TAF7L: variants seen among roughly 807,000 people sequenced by gnomAD.
TAF7L encodes transcription initiation factor TFIID subunit 7-like.
TAF7L carries 6 observed loss-of-function variants against 30.2 expected under a neutral mutation model. The observed-to-expected ratio is 0.20, with a 90% CI of 0.11 to 0.39. The LOEUF is 0.39. Ranked by LOEUF, TAF7L falls within the 10% of genes least tolerant of loss-of-function variation. The pLI, the probability that TAF7L is intolerant of heterozygous loss-of-function variation, is 1.00. For missense variants in TAF7L, 284 were observed against 277.1 expected, an observed-to-expected ratio of 1.03 and a Z score of -0.18; for synonymous variants, 93 against 94.5, an observed-to-expected ratio of 0.98 and a Z score of 0.09.
intron 12 of TAF7L, among the ~76,000 whole-genome samples, chrX:101,274,374 C>T (rs1400808791): frequency 3.6e-5 from 4 of 110,096 alleles, no homozygotes; most frequent in Non-Finnish European, 7.6e-5. Context: ...GCCACCACAA[C>T]CGGCTAATTT....
At chrX:101,288,727 C>A (rs2147385795) in intron 1 of TAF7L, among the ~76,000 whole-genome samples, 1 of 109,561 alleles carries the variant, frequency 9.1e-6, no homozygotes, top group East Asian at 2.8e-4. Flanking sequence ...TATATATATA[C>A]CTTTGGTGAA....
At chrX:101,286,241 A>T (rs1924595982) in intron 3 of TAF7L, among the ~76,000 whole-genome samples, 1 of 111,446 alleles carries the variant, frequency 9.0e-6, no homozygotes, top group African/African-American at 3.3e-5. Flanking sequence ...CACCTTTATA[A>T]ACAAAGAATG....
intron 8 of TAF7L, 82 bp from the exon 9 acceptor site, chrX:101,277,801 G>C: frequency 1.4e-6 from 1 of 726,758 alleles, no homozygotes; most frequent in South Asian, 2.4e-5. Context: ...TTGGCTAACA[G>C]TGCTATTTAA....
At chrX:101,279,396 C>A (rs767753363) in intron 6 of TAF7L, among the ~76,000 whole-genome samples, 50 of 111,296 alleles carry the variant, frequency 4.5e-4, no homozygotes, top group African/African-American at 1.6e-3. Flanking sequence ...CCAAGGCGGG[C>A]GGATCACGTG....
chrX:101,278,899 T>C (rs1924307808), intron 7 of TAF7L, 95 bp downstream of exon 7: 1 of 809,162 alleles, frequency 1.2e-6, no homozygotes, highest in African/African-American at 2.0e-5. Flanking sequence ...GGCTCAAAAG[T>C]AGCTTCTGTG....
chrX:101,290,089 TG>T (rs1924743449), intron 1 of TAF7L, among the ~76,000 whole-genome samples: 1 of 109,536 alleles, frequency 9.1e-6, no homozygotes, highest in Non-Finnish European at 1.9e-5. Context: ...TACAGCTAGT[TG>T]GGAGGCTGAG....
In TAF7L at chrX:101,275,924, T is replaced by A. The variant is rs1268332950; in HGVS notation, c.1026+76A>T. The A allele has an allele frequency of 4.1e-6, 3 of 728,293 alleles. No homozygotes were observed. The African/African-American group carries it at 6.4e-5, about 16-fold the overall frequency. 60.0% of individuals were successfully genotyped at this position (728,293 alleles called of 1,213,427 possible). On this transcript the variant is annotated intron_variant, in intron 11 of 12. Coordinates refer to ENST00000356784, the MANE Select transcript of TAF7L (RefSeq NM_001168474.2). Reference sequence around the variant, plus strand: ...AATGAACAAGAACCCTGCACAGAGATAACATAAGTGGAAACACAAAGGCAA... The same window carrying A: ...AATGAACAAGAACCCTGCACAGAGAAAACATAAGTGGAAACACAAAGGCAA...
intron 3 of TAF7L, 48 bp downstream of exon 3, chrX:101,286,526 CT>C (rs1424799834): frequency 1.0e-6 from 1 of 955,987 alleles, no homozygotes; most frequent in Non-Finnish European, 1.5e-6. Context: ...ATAGCAATCC[CT>C]TAATAAATTA....
intron 9 of TAF7L, among the ~76,000 whole-genome samples, chrX:101,277,162 A>G (rs1924221936): frequency 2.0e-5 from 2 of 98,264 alleles, no homozygotes; most frequent in East Asian, 3.1e-4. Context: ...AAAAAAAAAA[A>G]AAAAAAAAAA....
chrX:101,287,676 G>A (rs1322279929), intron 1 of TAF7L, 131 bp from the exon 2 acceptor site: 4 of 446,154 alleles, frequency 9.0e-6, no homozygotes, highest in Non-Finnish European at 1.6e-5. Context: ...CTAGAATGAT[G>A]TGTGTACAGT....
chrX:101,279,090 A>T, intron 6 of TAF7L, 55 bp from the exon 7 acceptor site: 1 of 965,008 alleles, frequency 1.0e-6, no homozygotes, highest in South Asian at 2.1e-5. Context: ...ATTTCAGTAA[A>T]GCTTAAAGAG....
upstream of TAF7L, chrX:101,292,858 G>C (rs373952324): frequency 8.3e-7 from 1 of 1,209,727 alleles, no homozygotes; most frequent in Non-Finnish European, 1.1e-6. Flanking sequence ...ATCCGTTTGA[G>C]TGTCCTCGTC....
At chrX:101,272,248 C>T (rs771172528) in intron 12 of TAF7L, among the ~76,000 whole-genome samples, 1 of 111,800 alleles carries the variant, frequency 8.9e-6, no homozygotes, top group East Asian at 2.8e-4. Context: ...ATACATACAT[C>T]CTTAATGATT....
Position 101,277,496 on chromosome X carries a change from T to C in TAF7L, c.691+110A>G, listed in dbSNP as rs1226267938. ...GAGGGAAGGACGAAACCATCCTTTT[T>C]TTCTGGGTTTTTTTTTTTTTGGATT... On this transcript the variant is annotated intron_variant, in intron 9 of 12. Transcript: ENST00000356784. 5 of 410,024 alleles carry C rather than the reference T, an allele frequency of 1.2e-5. No individual in the cohort carries two copies. In the Admixed American group the frequency reaches 1.3e-4, roughly 10 times the overall value. 33.8% of individuals were successfully genotyped at this position (410,024 alleles called of 1,213,427 possible).
intron 3 of TAF7L, 89 bp downstream of exon 3, chrX:101,286,486 A>G (rs1221906553): frequency 6.4e-6 from 4 of 624,660 alleles, no homozygotes; most frequent in Non-Finnish European, 9.8e-6. Flanking sequence ...CATTTTTCAC[A>G]TCCTTAGTAC....
At chrX:101,282,177 C>T (rs1326579445) in intron 5 of TAF7L, 150 bp downstream of exon 5, 19 of 766,474 alleles carry the variant, frequency 2.5e-5, no homozygotes, top group South Asian at 1.7e-4. Flanking sequence ...TGAGCCACCG[C>T]GCCCAGCTGA....
At chrX:101,275,908 G>A (rs1040949551) in intron 11 of TAF7L, 92 bp downstream of exon 11, 2 of 624,002 alleles carry the variant, frequency 3.2e-6, no homozygotes, top group East Asian at 3.3e-5. Context: ...GAATGAACAA[G>A]AACCCTGCAC....
chrX:101,281,044 G>A (rs1004613022), intron 6 of TAF7L, among the ~76,000 whole-genome samples: 1 of 111,563 alleles, frequency 9.0e-6, no homozygotes, highest in Non-Finnish European at 1.9e-5. Context: ...TTTGTATTTT[G>A]ACTGTGTAGA....
intron 1 of TAF7L, among the ~76,000 whole-genome samples, chrX:101,289,580 T>C (rs1002102099): frequency 4.5e-5 from 5 of 110,763 alleles, no homozygotes; most frequent in African/African-American, 1.6e-4. Flanking sequence ...GCCCACACTT[T>C]TGTTTTGTTT....
Sources: allele counts gnomAD v4.1 joint callset (sites outside exome capture counted in the v4.1 genomes callset), GRCh38; gene constraint gnomAD v4.1.1; transcripts MANE v1.5; gene names NCBI Gene and HGNC (gene_info 2026-07-23, HGNC 2026-07-21).